ANAPC4: variants seen among roughly 807,000 people sequenced by gnomAD.
ANAPC4 encodes anaphase-promoting complex subunit 4.
ANAPC4 carries 63 observed loss-of-function variants against 119.8 expected under a neutral mutation model. The ratio of observed to expected loss-of-function variants is 0.53; its 90% CI spans 0.43 to 0.65. The LOEUF (loss-of-function observed/expected upper bound fraction) is 0.65, where lower values mean the gene tolerates loss of function less well. ANAPC4 is among the 30% of genes least tolerant of loss of function. ANAPC4 has a pLI of 0.00. For missense variants in ANAPC4, 716 were observed against 945.1 expected, an observed-to-expected ratio of 0.76 and a Z score of 3.18; for synonymous variants, 283 against 318.6, an observed-to-expected ratio of 0.89 and a Z score of 1.19.
At chr4:25,394,935 T>C in intron 14 of ANAPC4, 30 bp downstream of exon 14, 1 of 1,560,780 alleles carries the variant, frequency 6.4e-7, no homozygotes, top group Non-Finnish European at 8.8e-7. Context: ...TTTTTTGGTA[T>C]TGTATCCACA....
intron 4 of ANAPC4, among the ~76,000 whole-genome samples, chr4:25,384,847 G>A (rs1371253148): frequency 6.6e-6 from 1 of 151,548 alleles, no homozygotes; most frequent in Non-Finnish European, 1.5e-5. Flanking sequence ...TGACCCATAC[G>A]ATGCAGAATG....
At chr4:25,399,256 A>T (rs1333273330) in intron 16 of ANAPC4, among the ~76,000 whole-genome samples, 1 of 152,326 alleles carries the variant, frequency 6.6e-6, no homozygotes, top group East Asian at 1.9e-4. Flanking sequence ...TTAATACAGT[A>T]TATTAACCTA....
intron 12 of ANAPC4, 123 bp downstream of exon 12, chr4:25,394,497 T>C: frequency 9.7e-7 from 1 of 1,028,968 alleles, no homozygotes; most frequent in Non-Finnish European, 1.4e-6. Flanking sequence ...TTTTAATTGA[T>C]ACATAATGTG....
intron 16 of ANAPC4, among the ~76,000 whole-genome samples, chr4:25,398,809 T>C (rs1360021378): frequency 6.6e-6 from 1 of 152,104 alleles, no homozygotes; most frequent in Non-Finnish European, 1.5e-5. Flanking sequence ...TTCTCAATGC[T>C]TATCTGTAGA....
At chr4:25,396,408 A>G (rs1435475409) in intron 14 of ANAPC4, among the ~76,000 whole-genome samples, 1 of 152,254 alleles carries the variant, frequency 6.6e-6, no homozygotes, top group Non-Finnish European at 1.5e-5. Context: ...CTGTCTTAAA[A>G]GGGTCAGGAC....
Position 25,412,561 on chromosome 4 carries a change from C to T in ANAPC4, c.1526-1084C>T, listed in dbSNP as rs573101220. On this transcript the variant is annotated intron_variant, in intron 21 of 28. Coordinates refer to ENST00000315368, the MANE Select transcript of ANAPC4 (RefSeq NM_013367.3). ...GGCGGATCACTTGAGATCAGGAGTT[C>T]GAGACCTGACCAACATAGTGAAACC... Among the ~76,000 whole-genome samples the T allele has an allele frequency of 5.3e-5, 8 of 151,976 alleles. No homozygotes were observed. In the East Asian group the frequency reaches 1.5e-3, roughly 29 times the overall value.
At chr4:25,390,833 G>A in intron 8 of ANAPC4, 78 bp from the exon 9 acceptor site, 1 of 1,094,368 alleles carries the variant, frequency 9.1e-7, no homozygotes, top group Non-Finnish European at 1.3e-6. Context: ...AAAGCTCTGA[G>A]TTTTTGCTTT....
At chr4:25,381,592 G>A (rs910107834) in intron 3 of ANAPC4, among the ~76,000 whole-genome samples, 2 of 152,142 alleles carry the variant, frequency 1.3e-5, no homozygotes, top group African/African-American at 2.4e-5. Context: ...GATTACAGGC[G>A]TGAACCACTG....
Position 25,390,123 on chromosome 4 carries a change from T to C in ANAPC4, c.516-13T>C. On this transcript the variant is annotated splice_polypyrimidine_tract_variant and intron_variant, in intron 7 of 28. Coordinates refer to ENST00000315368, the MANE Select transcript of ANAPC4 (RefSeq NM_013367.3). ...TTGATTGGTTCTCAGCTTGTTGCAT[T>C]GTTTTTAATTAGGCTTAATATTCTC... 6.3e-7 allele frequency: 1 copy of C among 1,587,974 alleles called. No homozygotes were observed. The highest frequency in any genetic ancestry group is 8.6e-7 in the Non-Finnish European group (1 of 1,158,654).
intron 4 of ANAPC4, among the ~76,000 whole-genome samples, chr4:25,386,160 G>A (rs1035607480): frequency 1.3e-5 from 2 of 152,068 alleles, no homozygotes; most frequent in South Asian, 2.1e-4. Flanking sequence ...TAACCCGCCC[G>A]CTTCGGCCTC....
At chr4:25,410,497 G>C (rs190073794) in intron 21 of ANAPC4, among the ~76,000 whole-genome samples, 284 of 152,230 alleles carry the variant, frequency 1.9e-3, no homozygotes, top group Non-Finnish European at 2.3e-3. Context: ...AAGATTCTAT[G>C]GGTAGGTACT....
rs1050457522 is a variant in ANAPC4, at chr4:25,383,138, T to C, written c.236-123T>C. ...AGTTTTTAAAATATTGAAGGATGTT[T>C]AGGTCAAAAATTGCCATGATGAAGA... On this transcript the variant is annotated intron_variant, in intron 3 of 28. Coordinates refer to ENST00000315368, the MANE Select transcript of ANAPC4 (RefSeq NM_013367.3). The C allele has an allele frequency of 1.3e-5, 11 of 866,232 alleles. No individual in the cohort carries two copies. In the South Asian group the frequency reaches 3.1e-4, roughly 24 times the overall value. 53.7% of individuals were successfully genotyped at this position (866,232 alleles called of 1,614,324 possible).
At chr4:25,391,058 T>C (rs527276745) in intron 9 of ANAPC4, 43 bp downstream of exon 9, 10 of 1,400,618 alleles carry the variant, frequency 7.1e-6, no homozygotes, top group Non-Finnish European at 1.0e-5. Context: ...AAATATGTAT[T>C]TAACAGGTTT....
At chr4:25,377,838 G>C (rs1721493035) in intron 2 of ANAPC4, among the ~76,000 whole-genome samples, 1 of 152,194 alleles carries the variant, frequency 6.6e-6, no homozygotes, top group African/African-American at 2.4e-5. Flanking sequence ...GCTTCCCCAA[G>C]TCTTCTTCAC....
Position 25,405,737 on chromosome 4 carries a change from T to A in ANAPC4, c.1317+118T>A, listed in dbSNP as rs1723218182. ...TTAACAGGATGTCAGGATGTAGACG[T>A]TAGATCCCTTAAGCACCACCTTTTT... On this transcript the variant is annotated intron_variant, in intron 18 of 28. Transcript: ENST00000315368. The surrounding 1 kb of genome is among the most constrained non-coding windows in gnomAD (Gnocchi z 4.6). 2 of 914,922 alleles carry A rather than the reference T, an allele frequency of 2.2e-6. No homozygotes were observed. The highest frequency in any genetic ancestry group is 3.2e-5 in the South Asian group (2 of 61,958). 56.7% of individuals were successfully genotyped at this position (914,922 alleles called of 1,614,324 possible). A position where few individuals can be genotyped will look rare whatever the true frequency, so the allele number is the denominator to read the frequency against.
chr4:25,387,174 G>C (rs529702962), intron 4 of ANAPC4, among the ~76,000 whole-genome samples: 46 of 152,238 alleles, frequency 3.0e-4, no homozygotes, highest in African/African-American at 9.6e-4. Flanking sequence ...TTCTGCATTA[G>C]TGTGTGTAGT....
At chr4:25,394,740 A>C (rs769314644) in intron 13 of ANAPC4, 27 bp downstream of exon 13, 2 of 1,603,820 alleles carry the variant, frequency 1.2e-6, no homozygotes, top group Non-Finnish European at 1.7e-6. Flanking sequence ...TATGTATTCA[A>C]ATGGCTATGA....
intron 4 of ANAPC4, among the ~76,000 whole-genome samples, chr4:25,387,112 A>G (rs1450664856): frequency 1.3e-5 from 2 of 152,052 alleles, no homozygotes; most frequent in Admixed American, 1.3e-4. Context: ...AATGCTGGAC[A>G]GGTTTTTTCT....
At chr4:25,391,132 G>A (rs1392217233) in intron 9 of ANAPC4, 117 bp downstream of exon 9, 2 of 711,964 alleles carry the variant, frequency 2.8e-6, no homozygotes, top group Non-Finnish European at 4.5e-6. Flanking sequence ...CAAAAAAATC[G>A]ACTTGGAATT....
Sources: gnomAD v4.1 joint callset for allele counts (sites outside exome capture counted in the v4.1 genomes callset) on GRCh38, gnomAD v4.1.1 for gene constraint, Gnocchi (gnomAD v3.1) non-coding constraint, MANE v1.5 for transcripts, NCBI Gene and HGNC (gene_info 2026-07-23, HGNC 2026-07-21) for gene names.